SLC4A8: variants seen among roughly 807,000 people sequenced by gnomAD.
SLC4A8 encodes the protein electroneutral sodium bicarbonate exchanger 1.
In SLC4A8, 40 loss-of-function variants were observed where a neutral mutation model predicts 125.0. The ratio of observed to expected loss-of-function variants is 0.32; its 90% CI spans 0.25 to 0.42. The LOEUF is 0.42. SLC4A8 is among the 10% of genes least tolerant of loss of function. SLC4A8 has a pLI of 1.00. For synonymous variants in SLC4A8, 456 were observed against 476.0 expected (o/e 0.96, Z 0.55); for missense variants, 863 against 1,355.1 (o/e 0.64, Z 5.70).
At chr12:51,425,146 TGAGGGC>T (rs1948924748) in intron 1 of SLC4A8, 111 bp downstream of exon 1, 3 of 1,459,546 alleles carry the variant, frequency 2.1e-6, no homozygotes, top group Non-Finnish European at 2.7e-6. Context: ...GGCCGCTCCC[TGAGGGC>T]GAGGGGAGGC....
At chr12:51,423,580 C>T (rs993565910), upstream of SLC4A8, among the ~76,000 whole-genome samples, 1 of 152,246 alleles carries the variant, frequency 6.6e-6, no homozygotes, top group South Asian at 2.1e-4. Flanking sequence ...ATTTCAGGAC[C>T]AACACAAAGG....
chr12:51,424,717 C>T (rs1381449487), upstream of SLC4A8: 2 of 449,710 alleles, frequency 4.4e-6, no homozygotes, highest in Non-Finnish European at 7.9e-6. Context: ...GTTGGCTCCC[C>T]GGCTCCTCCC....
rs377499671 is a variant in SLC4A8, at chr12:51,410,120, G to A, written c.-112+18632G>A. Reference sequence around the variant, plus strand: ...TGGTTTATTTCAGAATTGGTCCCTGGAATTTCTAAGCAAGCACATAATTAG... The same window carrying A: ...TGGTTTATTTCAGAATTGGTCCCTGAAATTTCTAAGCAAGCACATAATTAG... On this transcript the variant is annotated intron_variant, in intron 1 of 24. Transcript: ENST00000358657. Among the ~76,000 whole-genome samples the A allele has an allele frequency of 4.6e-5, 7 of 152,170 alleles. No homozygotes were observed. The East Asian group carries it at 1.3e-3, about 29-fold the overall frequency.
chr12:51,463,618 A>G lies in SLC4A8; in HGVS notation c.1253A>G (p.Lys418Arg), dbSNP rs368233706. 1 of 1,612,846 alleles carries G rather than the reference A, an allele frequency of 6.2e-7. No homozygotes were observed. The change falls in exon 11 of 25, where the codon AAA (lysine) becomes AGA (arginine). Residue 418 changes from lysine to arginine, a missense_variant. Physicochemically the swap from Lys to Arg is conservative, Grantham distance 26 (BLOSUM62 2). This residue lies in a region of SLC4A8 where 390 missense variants were observed against 634.4 expected (regional missense o/e 0.61). Coordinates refer to ENST00000453097, the MANE Select transcript of SLC4A8 (RefSeq NM_001039960.3). Reference sequence around the variant, plus strand: ...TTTGTGGTCTTCTGTTAAAAGGAGAAAAGGAAAATGCCTGGAGTTCCAAAT... The same window carrying G: ...TTTGTGGTCTTCTGTTAAAAGGAGAGAAGGAAAATGCCTGGAGTTCCAAAT... ...EPPKNVPSQEKRKMPGVPNGN... is the reference protein window; with the variant it reads ...EPPKNVPSQERRKMPGVPNGN...
chr12:51,430,185 T>G (rs1949142711), intron 1 of SLC4A8, among the ~76,000 whole-genome samples: 3 of 152,152 alleles, frequency 2.0e-5, no homozygotes, highest in Middle Eastern at 3.4e-3. Context: ...GGGTGATAAT[T>G]GAGAAACATG....
rs1189533896 is a variant in SLC4A8, at chr12:51,514,588, T to C, written c.*7150T>C. 6.6e-6 allele frequency: 1 copy of C among 152,142 alleles called. No individual in the cohort carries two copies. The highest frequency in any genetic ancestry group is 2.4e-5 in the African/African-American group (1 of 41,430). The allele number at this position is 152,142 out of a possible 1,614,324, so 9.4% of individuals were successfully genotyped here. On this transcript the variant is annotated 3_prime_UTR_variant, in exon 25 of 25. Coordinates refer to ENST00000453097, the MANE Select transcript of SLC4A8 (RefSeq NM_001039960.3). ...GGACTTTATGGTCATTTCCCCTGTT[T>C]AGGGTGAGGGACTAAGAATTCTCAA...
intron 4 of SLC4A8, 114 bp from the exon 5 acceptor site, chr12:51,453,425 A>T: frequency 9.4e-7 from 1 of 1,066,748 alleles, no homozygotes; most frequent in Non-Finnish European, 1.4e-6. Context: ...ATTAGATTTT[A>T]CAATGTTCAG....
chr12:51,426,873 C>T (rs1592163046), intron 1 of SLC4A8, among the ~76,000 whole-genome samples: 1 of 150,070 alleles, frequency 6.7e-6, no homozygotes. Context: ...CTCTCCTAAC[C>T]GGGAGAGAGA....
chr12:51,444,286 A>G (rs753211210), intron 2 of SLC4A8, among the ~76,000 whole-genome samples: 7 of 151,986 alleles, frequency 4.6e-5, no homozygotes, highest in East Asian at 1.9e-4. Flanking sequence ...TTTTCTGCCA[A>G]TTTTTCTCAG....
chr12:51,486,624 G>T (rs1432781874), intron 17 of SLC4A8, among the ~76,000 whole-genome samples: 4 of 152,216 alleles, frequency 2.6e-5, no homozygotes, highest in African/African-American at 9.6e-5. Flanking sequence ...GCCCCATAGG[G>T]TGAGGGGAGA....
intron 11 of SLC4A8, among the ~76,000 whole-genome samples, chr12:51,468,319 A>G (rs921372242): frequency 3.7e-4 from 56 of 152,170 alleles, no homozygotes; most frequent in Middle Eastern, 3.2e-3. Context: ...TAGCTCTTGA[A>G]TCCATCCACT....
upstream of SLC4A8, among the ~76,000 whole-genome samples, chr12:51,420,555 G>A (rs967675484): frequency 1.8e-4 from 28 of 152,284 alleles, no homozygotes; most frequent in South Asian, 5.2e-3. Context: ...ACAATTATAT[G>A]CAAAATTTTG....
rs1951144791 is a variant in SLC4A8 at position 51,485,678 on chromosome 12, T to G, written c.2173-109T>G. The G allele has an allele frequency of 3.2e-6, 2 of 625,206 alleles. 1 individual carries two copies. Among genetic ancestry groups the G allele is most frequent in the Admixed American group, 5.5e-5 (2 of 36,052 alleles). 38.7% of individuals were successfully genotyped at this position (625,206 alleles called of 1,614,324 possible). ...TTAAATTTGCTTGCATTAATTCAAC[T>G]GTAAGATGAAAACATTCTTCTGAGG... On this transcript the variant is annotated intron_variant, in intron 16 of 24. Coordinates refer to ENST00000453097, the MANE Select transcript of SLC4A8 (RefSeq NM_001039960.3).
At chr12:51,483,354 CAAA>C (rs370326518) in intron 16 of SLC4A8, among the ~76,000 whole-genome samples, 32 of 138,262 alleles carry the variant, frequency 2.3e-4, no homozygotes, top group African/African-American at 8.4e-4. Context: ...TTCTCACACA[CAAA>C]AAAAAAAAAG....
intron 19 of SLC4A8, 129 bp downstream of exon 19, chr12:51,490,080 C>A: frequency 1.2e-6 from 1 of 817,952 alleles, no homozygotes; most frequent in Non-Finnish European, 1.9e-6. Flanking sequence ...AGAGTTTATT[C>A]TAGAGGGATA....
intron 21 of SLC4A8, 96 bp from the exon 22 acceptor site, chr12:51,496,891 A>C (rs746884122): frequency 4.0e-6 from 5 of 1,254,324 alleles, no homozygotes; most frequent in Non-Finnish European, 5.6e-6. Context: ...ATTTTGCTTG[A>C]AATGTCCTAG....
At chr12:51,464,853 G>A (rs1950463239) in intron 11 of SLC4A8, among the ~76,000 whole-genome samples, 1 of 152,178 alleles carries the variant, frequency 6.6e-6, no homozygotes, top group African/African-American at 2.4e-5. Flanking sequence ...GAGAAACCAG[G>A]AGAGGAGACA....
At chr12:51,492,662 T>A (rs1208541959) in intron 19 of SLC4A8, among the ~76,000 whole-genome samples, 1 of 152,152 alleles carries the variant, frequency 6.6e-6, no homozygotes, top group Non-Finnish European at 1.5e-5. Flanking sequence ...CAATGGGGGA[T>A]TTTCTAATTT....
chr12:51,397,876 G>A (rs1489494058), intron 1 of SLC4A8, among the ~76,000 whole-genome samples: 1 of 152,094 alleles, frequency 6.6e-6, no homozygotes, highest in East Asian at 1.9e-4. Flanking sequence ...AGACCAGCCT[G>A]GGCAACATAG....
Sources: gnomAD v4.1 joint callset for allele counts (sites outside exome capture counted in the v4.1 genomes callset) on GRCh38, gnomAD v4.1.1 for gene constraint, gnomAD v4.1.1 regional missense constraint, MANE v1.5 for transcripts, NCBI Gene and HGNC (gene_info 2026-07-23, HGNC 2026-07-21) for gene names.